The following GALNT13 variants were observed in gnomAD, a reference collection of about 807,000 sequenced individuals.
GALNT13 encodes UDP-GalNAc:polypeptide N-acetylgalactosaminyltransferase 13.
GALNT13 carries 28 observed loss-of-function variants against 64.2 expected under a neutral mutation model. The ratio of observed to expected loss-of-function variants is 0.44; its 90% CI spans 0.32 to 0.60. The LOEUF (loss-of-function observed/expected upper bound fraction) is 0.60, where lower values mean the gene tolerates loss of function less well. Ranked by LOEUF, GALNT13 falls within the 20% of genes least tolerant of loss-of-function variation. GALNT13 has a pLI of 0.05. For synonymous variants in GALNT13, 214 were observed against 224.6 expected, an observed-to-expected ratio of 0.95 and a Z score of 0.42; for missense variants, 577 against 669.8, an observed-to-expected ratio of 0.86 and a Z score of 1.53.
At chr2:153,388,672 T>C in the GALNT13 span, among the ~76,000 whole-genome samples, 1 of 151,902 alleles carries the variant, frequency 6.6e-6, no homozygotes, top group East Asian at 1.9e-4. Flanking sequence ...CCTCTCATTG[T>C]ACAAAGGAAA....
chr2:153,568,093 T>C, the GALNT13 span, among the ~76,000 whole-genome samples: 1 of 152,212 alleles, frequency 6.6e-6, no homozygotes, highest in East Asian at 1.9e-4. Context: ...TCTCGAATAA[T>C]AGATTGAGCT....
upstream of GALNT13, among the ~76,000 whole-genome samples, chr2:153,867,844 C>T (rs1301946569): frequency 6.6e-6 from 1 of 152,054 alleles, no homozygotes; most frequent in African/African-American, 2.4e-5. Context: ...AATGCTGCTG[C>T]TGATCTTACA....
chr2:153,236,297 G>A, the GALNT13 span, among the ~76,000 whole-genome samples: 1 of 152,170 alleles, frequency 6.6e-6, no homozygotes, highest in African/African-American at 2.4e-5. Flanking sequence ...AGAAGATCTA[G>A]CTAAGATCAT....
intron 3 of GALNT13, among the ~76,000 whole-genome samples, chr2:154,083,071 C>T (rs577703620): frequency 6.6e-6 from 1 of 152,090 alleles, no homozygotes; most frequent in South Asian, 2.1e-4. Context: ...TTTAATCCAT[C>T]CTGAGTTAAT....
the GALNT13 span, among the ~76,000 whole-genome samples, chr2:153,494,716 G>A: frequency 2.6e-5 from 4 of 152,094 alleles, no homozygotes; most frequent in South Asian, 8.3e-4. Flanking sequence ...TTCTATGAAA[G>A]GAAAGTATAA....
At chr2:154,056,977 GA>G (rs1699924854) in intron 3 of GALNT13, among the ~76,000 whole-genome samples, 1 of 151,734 alleles carries the variant, frequency 6.6e-6, no homozygotes, top group Non-Finnish European at 1.5e-5. Context: ...AAAACATTAA[GA>G]AAAAGGCAGG....
intron 1 of GALNT13, among the ~76,000 whole-genome samples, chr2:153,893,548 A>G (rs1687693192): frequency 6.6e-6 from 1 of 152,114 alleles, no homozygotes; most frequent in South Asian, 2.1e-4. Flanking sequence ...GTTATACTGA[A>G]TTTATATACA....
chr2:154,106,091 G>A (rs1702600709), intron 3 of GALNT13, among the ~76,000 whole-genome samples: 1 of 152,090 alleles, frequency 6.6e-6, no homozygotes, highest in African/African-American at 2.4e-5. Context: ...GATGTCCTTT[G>A]TCAGATATAG....
chr2:154,156,581 G>A (rs932217364), intron 4 of GALNT13, among the ~76,000 whole-genome samples: 2 of 152,118 alleles, frequency 1.3e-5, no homozygotes, highest in Non-Finnish European at 2.9e-5. Flanking sequence ...ATGCTTTAAT[G>A]TATTTGTTTA....
the GALNT13 span, among the ~76,000 whole-genome samples, chr2:153,773,402 A>C: frequency 6.6e-6 from 1 of 152,182 alleles, no homozygotes; most frequent in Non-Finnish European, 1.5e-5. Context: ...TCATTTATCA[A>C]ACTAATTCTA....
chr2:154,181,719 C>T (rs889609169), intron 4 of GALNT13, among the ~76,000 whole-genome samples: 1 of 151,822 alleles, frequency 6.6e-6, no homozygotes, highest in Non-Finnish European at 1.5e-5. Context: ...CTGCAGGTTA[C>T]CTTTACATAT....
At chr2:153,492,442 G>C in the GALNT13 span, among the ~76,000 whole-genome samples, 1 of 152,204 alleles carries the variant, frequency 6.6e-6, no homozygotes. Context: ...TACAACTTTA[G>C]AGTTGCTGCT....
the GALNT13 span, among the ~76,000 whole-genome samples, chr2:153,539,746 A>T: frequency 6.6e-6 from 1 of 151,034 alleles, no homozygotes; most frequent in Non-Finnish European, 1.5e-5. Context: ...TATTCCATTG[A>T]TCTGTATCTC....
intron 4 of GALNT13, among the ~76,000 whole-genome samples, chr2:154,231,494 G>A (rs1046302468): frequency 1.3e-5 from 2 of 151,648 alleles, no homozygotes; most frequent in African/African-American, 4.8e-5. Flanking sequence ...CTCTGGTGAG[G>A]CACTTAATTT....
At chr2:154,447,143 C>T (rs707073) in intron 12 of GALNT13, among the ~76,000 whole-genome samples, 61,821 of 151,546 alleles carry the variant, frequency 0.41, 13,879 homozygotes, top group Admixed American at 0.58. Flanking sequence ...CTAACAGGGC[C>T]AAAGAAAGTA....
the GALNT13 span, among the ~76,000 whole-genome samples, chr2:153,710,436 T>A: frequency 6.6e-6 from 1 of 152,076 alleles, no homozygotes; most frequent in Non-Finnish European, 1.5e-5. Context: ...ATGAAAATAT[T>A]TTTGACCTTG....
intron 3 of GALNT13, among the ~76,000 whole-genome samples, chr2:154,132,825 G>T (rs1417059296): frequency 6.6e-6 from 1 of 150,632 alleles, no homozygotes; most frequent in Non-Finnish European, 1.5e-5. Context: ...AACCAGGGAG[G>T]CAGAGCTTGC....
At chr2:154,049,007 A>C (rs1699430667) in intron 3 of GALNT13, among the ~76,000 whole-genome samples, 1 of 145,752 alleles carries the variant, frequency 6.9e-6, no homozygotes, top group Non-Finnish European at 1.5e-5. Flanking sequence ...ATTACGTGGA[A>C]CTTACTATGG....
intron 4 of GALNT13, among the ~76,000 whole-genome samples, chr2:154,173,312 C>CA (rs1379775945): frequency 3.3e-5 from 5 of 151,052 alleles, no homozygotes; most frequent in East Asian, 3.9e-4. Context: ...TCACTATACA[C>CA]AAAAAAACAA....
Sources: gnomAD v4.1 joint callset for allele counts (sites outside exome capture counted in the v4.1 genomes callset) on GRCh38, gnomAD v4.1.1 for gene constraint, MANE v1.5 for transcripts, NCBI Gene and HGNC (gene_info 2026-07-23, HGNC 2026-07-21) for gene names.